ARSG: variants seen among roughly 807,000 people sequenced by gnomAD.
The protein encoded by ARSG is arylsulfatase G.
A neutral mutation model predicts 50.5 loss-of-function variants in ARSG; 37 were observed. The observed-to-expected ratio is 0.73, with a 90% CI of 0.56 to 0.96. ARSG has a LOEUF of 0.96. Among genes scored for constraint, ARSG ranks in the 50% least tolerant of loss-of-function variants. The probability of loss-of-function intolerance (pLI) is 0.00; values close to 1 mark genes in which losing one functional copy is unlikely to be tolerated. For missense variants in ARSG, 629 were observed against 675.3 expected (o/e 0.93, Z 0.76); for synonymous variants, 225 against 254.6 (o/e 0.88, Z 1.11).
chr17:68,336,776 C>A (rs2078042210), intron 2 of ARSG, among the ~76,000 whole-genome samples: 1 of 151,958 alleles, frequency 6.6e-6, no homozygotes, highest in African/African-American at 2.4e-5. Context: ...TCACTTGAAC[C>A]CAGGAGGTGG....
chr17:68,335,294 C>T (rs1049071996), intron 2 of ARSG, among the ~76,000 whole-genome samples: 7 of 152,110 alleles, frequency 4.6e-5, no homozygotes, highest in Non-Finnish European at 5.9e-5. Context: ...TGGCTCATGC[C>T]TGTAATCCCA....
intron 1 of ARSG, among the ~76,000 whole-genome samples, chr17:68,291,969 G>C (rs1387833039): frequency 2.6e-5 from 4 of 152,038 alleles, no homozygotes; most frequent in African/African-American, 9.7e-5. Flanking sequence ...TCCAGTTTGG[G>C]TGTGAGCTGC....
chr17:68,268,541 T>C (rs1226068946), intron 1 of ARSG: 1 of 152,712 alleles, frequency 6.5e-6, no homozygotes, highest in East Asian at 1.9e-4. Context: ...CTTGGTATTT[T>C]ACAAAGGGTT....
In ARSG at chr17:68,330,825, C is replaced by T. The variant is rs564549732; in HGVS notation, c.219-12779C>T. On this transcript the variant is annotated intron_variant, in intron 2 of 11. Transcript: ENST00000621439. ...CATTGTGGAGGGCTAGCTTTAGGGG[C>T]ACTGTGGCCTGGGCAGTTGCACACT... Among the ~76,000 whole-genome samples, 7 of 152,260 alleles carry T rather than the reference C, an allele frequency of 4.6e-5. No homozygotes were observed. The East Asian group carries it at 1.2e-3, about 25-fold the overall frequency.
chr17:68,404,834 C>T (rs1293303232), intron 11 of ARSG, among the ~76,000 whole-genome samples: 1 of 152,168 alleles, frequency 6.6e-6, no homozygotes, highest in Non-Finnish European at 1.5e-5. Flanking sequence ...ATTTAGATCT[C>T]TGATCCATTT....
intron 2 of ARSG, among the ~76,000 whole-genome samples, chr17:68,336,188 C>A (rs945613425): frequency 2.0e-5 from 3 of 151,562 alleles, no homozygotes; most frequent in Non-Finnish European, 2.9e-5. Flanking sequence ...TGTCAGCCAC[C>A]GTGCCTGGTC....
chr17:68,437,739 G>A, the ARSG span, among the ~76,000 whole-genome samples: 5 of 151,996 alleles, frequency 3.3e-5, no homozygotes, highest in South Asian at 2.1e-4. Flanking sequence ...ATAATATTCC[G>A]GAAGAGTAAA....
chr17:68,331,878 G>A (rs994316212), intron 2 of ARSG, among the ~76,000 whole-genome samples: 9 of 152,186 alleles, frequency 5.9e-5, no homozygotes, highest in African/African-American at 2.2e-4. Context: ...ATAGGGTGTG[G>A]GTCACAGAGA....
Position 68,307,595 on chromosome 17 carries a change from G to A in ARSG, c.102G>A (p.Gln34=). ...DFCISGKTRG[Q]KPNFVIILAD... ...GCATCAGTGGGAAAACAAGAGGACA[G>A]AAGCCAAACTTTGTGATTATTTTGG... The change falls in exon 2 of 12, where the codon CAG becomes CAA. Residue 34 remains glutamine, a synonymous_variant. Transcript: ENST00000621439. 3 of 1,614,118 alleles carry A rather than the reference G, an allele frequency of 1.9e-6. No individual in the cohort carries two copies. The highest frequency in any genetic ancestry group is 1.7e-6 in the Non-Finnish European group (2 of 1,179,968).
chr17:68,422,865 A>G (rs1010159661), downstream of ARSG: 23 of 152,278 alleles, frequency 1.5e-4, 1 homozygote, highest in East Asian at 4.2e-3. Flanking sequence ...TTCCTGAAAC[A>G]AAAGCTTCTC....
intron 9 of ARSG, among the ~76,000 whole-genome samples, chr17:68,389,596 CCTA>C (rs766044008): frequency 1.8e-4 from 27 of 152,056 alleles, no homozygotes; most frequent in Admixed American, 3.9e-4. Context: ...AGGGATGATC[CCTA>C]CTGTTCCCTG....
intron 1 of ARSG, chr17:68,267,229 A>C (rs557067142): frequency 1.3e-5 from 2 of 152,322 alleles, no homozygotes; most frequent in Admixed American, 1.3e-4. Flanking sequence ...AATCAGTTAT[A>C]AATATTAAAT....
chr17:68,372,933 C>T (rs2079934041), intron 8 of ARSG, among the ~76,000 whole-genome samples: 1 of 143,420 alleles, frequency 7.0e-6, no homozygotes. Flanking sequence ...ACTCTGTCAC[C>T]CAGGCTGGAG....
chr17:68,327,074 G>C (rs1489877109), intron 2 of ARSG, among the ~76,000 whole-genome samples: 1 of 152,178 alleles, frequency 6.6e-6, no homozygotes, highest in East Asian at 1.9e-4. Flanking sequence ...GGTAAGGAAA[G>C]ACTTTGTGAT....
chr17:68,293,390 A>G (rs1392093411), intron 1 of ARSG, among the ~76,000 whole-genome samples: 1 of 152,178 alleles, frequency 6.6e-6, no homozygotes, highest in East Asian at 1.9e-4. Flanking sequence ...GATTTAAAAA[A>G]TGACTCAAAT....
At chr17:68,262,357 G>C (rs1417187837) in intron 1 of ARSG, among the ~76,000 whole-genome samples, 2 of 151,926 alleles carry the variant, frequency 1.3e-5, no homozygotes, top group Admixed American at 1.3e-4. Context: ...TGTAGTCCCA[G>C]CTACTCGGGA....
intron 10 of ARSG, among the ~76,000 whole-genome samples, chr17:68,398,350 G>C (rs1016049532): frequency 7.9e-5 from 12 of 152,012 alleles, no homozygotes; most frequent in African/African-American, 2.7e-4. Flanking sequence ...CATAAATAGA[G>C]ATATACACAC....
At chr17:68,260,005 T>C (rs2075048174) in intron 1 of ARSG, among the ~76,000 whole-genome samples, 1 of 152,256 alleles carries the variant, frequency 6.6e-6, no homozygotes, top group Non-Finnish European at 1.5e-5. Flanking sequence ...TAAAGGCCTC[T>C]GGCTTCGGTG....
intron 1 of ARSG, among the ~76,000 whole-genome samples, chr17:68,303,960 T>C (rs192271277): frequency 2.6e-5 from 4 of 152,356 alleles, no homozygotes; most frequent in East Asian, 1.9e-4. Flanking sequence ...TCTATGAACA[T>C]TTTAAGTAAT....
Sources: gnomAD v4.1 joint callset for allele counts (sites outside exome capture counted in the v4.1 genomes callset) on GRCh38, gnomAD v4.1.1 for gene constraint, MANE v1.5 for transcripts, NCBI Gene and HGNC (gene_info 2026-07-23, HGNC 2026-07-21) for gene names.